The following GPRIN3 variants were observed in gnomAD, a reference collection of about 807,000 sequenced individuals.
GPRIN3 encodes the protein GPRIN family member 3.
A neutral mutation model predicts 13.7 loss-of-function variants in GPRIN3; 12 were observed. That is an observed-to-expected ratio of 0.87 (90% CI 0.56 to 1.42). The LOEUF (loss-of-function observed/expected upper bound fraction) is 1.42. Ranked by LOEUF, GPRIN3 falls within the 40% of genes most tolerant of loss-of-function variation. The pLI, the probability that GPRIN3 is intolerant of heterozygous loss-of-function variation, is 0.00. For synonymous variants in GPRIN3, 377 were observed against 372.7 expected (o/e 1.01, Z -0.13); for missense variants, 1,009 against 958.7 (o/e 1.05, Z -0.69).
In GPRIN3 at chr4:89,286,091, G is replaced by GTATATATATATATATA. The variant is rs35444036; in HGVS notation, c.-124+21508_-124+21523dup. 1.0e-3 allele frequency among the ~76,000 whole-genome samples: 151 copies of GTATATATATATATATA among 146,704 alleles called. 1 individual carries two copies. Among genetic ancestry groups the GTATATATATATATATA allele is most frequent in the Middle Eastern group, 3.5e-3 (1 of 286 alleles). On this transcript the variant is annotated intron_variant, in intron 1 of 1. Transcript: ENST00000609438. ...TACATGTGTACGTGTATGTGTGTGT[G>GTATATATATATATATA]TATATATATATATATATATATATGT... is the stretch of plus-strand genomic sequence containing the variant.
intron 1 of GPRIN3, among the ~76,000 whole-genome samples, chr4:89,263,936 G>T (rs150236168): frequency 2.6e-5 from 4 of 152,242 alleles, no homozygotes; most frequent in African/African-American, 9.6e-5. Context: ...GGGGATAAAA[G>T]AAAACATTTC....
At chr4:89,265,149 G>A (rs1482811463) in intron 1 of GPRIN3, among the ~76,000 whole-genome samples, 3 of 152,222 alleles carry the variant, frequency 2.0e-5, no homozygotes, top group African/African-American at 7.2e-5. Context: ...CATCCTGGGT[G>A]TTTTGGGGAT....
At position 89,247,951 on chromosome 4, in the gene GPRIN3, A is replaced by G. The variant is rs751993090; in HGVS notation, c.2160T>C (p.His720=). Reference sequence around the variant, plus strand: ...TATTTTGAGTTTTGATTAATTTCTCATGTTCCCTGATTTGTCTTTGCAAAT... The same window carrying G: ...TATTTTGAGTTTTGATTAATTTCTCGTGTTCCCTGATTTGTCTTTGCAAAT... The part of the protein sequence containing the change: ...QNHLQRQIRE[H]EKLIKTQNSQ... The change falls in exon 2 of 2, where the codon CAT becomes CAC. Residue 720 remains histidine (H), a synonymous_variant. Transcript: ENST00000609438. 1.2e-6 allele frequency: 2 copies of G among 1,613,758 alleles called. No individual in the cohort carries two copies. Among genetic ancestry groups the G allele is most frequent in the Non-Finnish European group, 1.7e-6 (2 of 1,179,772 alleles).
chr4:89,302,485 A>G (rs966156974), intron 1 of GPRIN3, among the ~76,000 whole-genome samples: 1 of 152,180 alleles, frequency 6.6e-6, no homozygotes, highest in African/African-American at 2.4e-5. Flanking sequence ...ATTCAGATTC[A>G]GATTCAGATT....
rs114667345 is a variant in GPRIN3, at chr4:89,299,618, T to C, written c.-124+7997A>G. 6.3e-3 allele frequency among the ~76,000 whole-genome samples: 955 copies of C among 152,322 alleles called. 6 individuals are homozygous for C. Among genetic ancestry groups the C allele is most frequent in the African/African-American group, 0.022 (918 of 41,572 alleles). On this transcript the variant is annotated intron_variant, in intron 1 of 1. Coordinates refer to ENST00000609438, the MANE Select transcript of GPRIN3 (RefSeq NM_198281.3). The stretch of plus-strand genomic sequence containing the variant: ...GTTCTACACAATCAAGTGGCCAGAC[T>C]GTGCAGTGATCTGCCTAGCCTCAGA...
intron 1 of GPRIN3, among the ~76,000 whole-genome samples, chr4:89,262,008 G>C (rs1227475905): frequency 6.6e-6 from 1 of 151,702 alleles, no homozygotes; most frequent in African/African-American, 2.4e-5. Flanking sequence ...TGTGGTCCCA[G>C]CTACTTGGTT....
intron 1 of GPRIN3, among the ~76,000 whole-genome samples, chr4:89,258,341 C>T (rs551387806): frequency 2.0e-5 from 3 of 151,826 alleles, no homozygotes; most frequent in Admixed American, 1.3e-4. Flanking sequence ...CTCAGTCTCC[C>T]GAGTAGCTAG....
rs769270488 is a variant in GPRIN3, at chr4:89,244,419, A to C, written c.*3361T>G. ...TACATTCAATATAGGTGAACTTATCAAGGCAGGAAACATACTAACACATTT... is the reference window on the plus strand; with the variant it reads ...TACATTCAATATAGGTGAACTTATCCAGGCAGGAAACATACTAACACATTT... On this transcript the variant is annotated 3_prime_UTR_variant, in exon 2 of 2. Coordinates refer to ENST00000609438, the MANE Select transcript of GPRIN3 (RefSeq NM_198281.3). 1 of 152,218 alleles carries C rather than the reference A, an allele frequency of 6.6e-6. No individual in the cohort carries two copies. The highest frequency in any genetic ancestry group is 1.5e-5 in the Non-Finnish European group (1 of 68,030). 9.4% of individuals were successfully genotyped at this position (152,218 alleles called of 1,614,324 possible). A position where few individuals can be genotyped will look rare whatever the true frequency, so the allele number is the denominator to read the frequency against.
intron 1 of GPRIN3, among the ~76,000 whole-genome samples, chr4:89,265,262 G>A (rs188098764): frequency 2.7e-4 from 41 of 152,196 alleles, no homozygotes; most frequent in Non-Finnish European, 4.9e-4. Context: ...ATATATATCA[G>A]TGTTTTGAGG....
rs1001497714 is a variant in GPRIN3 at position 89,237,341 on chromosome 4, T to A, written c.*10439A>T. The stretch of plus-strand genomic sequence containing the variant: ...TTTAATAATGGTGGCATTCAGAAGT[T>A]CATTAAGAATGTGTATGCCATGGTC... On this transcript the variant is annotated 3_prime_UTR_variant, in exon 2 of 2. Transcript: ENST00000609438. 1 of 152,220 alleles carries A rather than the reference T, an allele frequency of 6.6e-6. No individual in the cohort carries two copies. The allele number at this position is 152,220 out of a possible 1,614,324, so 9.4% of individuals were successfully genotyped here.
chr4:89,291,830 CTTTTTT>C (rs33981386), intron 1 of GPRIN3, among the ~76,000 whole-genome samples: 1 of 115,868 alleles, frequency 8.6e-6, no homozygotes, highest in East Asian at 2.4e-4. Flanking sequence ...ACTGTCAGGG[CTTTTTT>C]TTTTTTTTTT....
intron 1 of GPRIN3, among the ~76,000 whole-genome samples, chr4:89,253,016 G>GAAAAAAAAA (rs11408492): frequency 1.6e-5 from 2 of 124,078 alleles, no homozygotes; most frequent in African/African-American, 3.0e-5. Flanking sequence ...TCTCAAAAAA[G>GAAAAAAAAA]AAAAAAAAAA....
intron 1 of GPRIN3, among the ~76,000 whole-genome samples, chr4:89,273,404 G>A (rs536757831): frequency 6.6e-5 from 10 of 152,316 alleles, no homozygotes; most frequent in Admixed American, 4.6e-4. Flanking sequence ...TGCCTCGGTC[G>A]GGCGCAGTGG....
Position 89,245,757 on chromosome 4 carries a change from A to G in GPRIN3, c.*2023T>C, listed in dbSNP as rs1723078609. ...GTCCTGGCAGAGGCATCTGAGACAG[A>G]AGTGACACGAACACAACTACAAATG... On this transcript the variant is annotated 3_prime_UTR_variant, in exon 2 of 2. Transcript: ENST00000609438. The G allele has an allele frequency of 6.6e-6, 1 of 152,254 alleles. No individual in the cohort carries two copies. The highest frequency in any genetic ancestry group is 1.5e-5 in the Non-Finnish European group (1 of 68,054). The allele number at this position is 152,254 out of a possible 1,614,324, so 9.4% of individuals were successfully genotyped here.
chr4:89,270,538 TTATA>T (rs1050900597), intron 1 of GPRIN3, among the ~76,000 whole-genome samples: 1 of 129,948 alleles, frequency 7.7e-6, no homozygotes, highest in African/African-American at 2.9e-5. Context: ...CTCATATATA[TTATA>T]TATATTTATA....
chr4:89,280,642 T>C (rs574526988), intron 1 of GPRIN3, among the ~76,000 whole-genome samples: 2 of 152,346 alleles, frequency 1.3e-5, no homozygotes, highest in South Asian at 4.1e-4. Flanking sequence ...AATGTAATTT[T>C]ATTTGAAAAT....
chr4:89,294,613 TAAGTA>T (rs986755440), intron 1 of GPRIN3, among the ~76,000 whole-genome samples: 4 of 152,278 alleles, frequency 2.6e-5, no homozygotes, highest in Non-Finnish European at 4.4e-5. Context: ...TCAATTGAAC[TAAGTA>T]AAGAACACAT....
chr4:89,296,624 T>C (rs1164854857), intron 1 of GPRIN3, among the ~76,000 whole-genome samples: 1 of 128,458 alleles, frequency 7.8e-6, no homozygotes, highest in Admixed American at 7.6e-5. Flanking sequence ...GGCAGTTAAA[T>C]AAAGACACAT....
At position 89,237,049 on chromosome 4, in the gene GPRIN3, C is replaced by G. The variant is rs556324358; in HGVS notation, c.*10731G>C. On this transcript the variant is annotated 3_prime_UTR_variant, in exon 2 of 2. Coordinates refer to ENST00000609438, the MANE Select transcript of GPRIN3 (RefSeq NM_198281.3). ...TATTATTTTTAATGGCAGGTCAAGG[C>G]TCTTTTGCAGTTTGATTGAGAGACG... is the stretch of plus-strand genomic sequence containing the variant. 2.6e-5 allele frequency: 4 copies of G among 152,194 alleles called. No individual in the cohort carries two copies. The South Asian group carries it at 6.2e-4, about 24-fold the overall frequency. 9.4% of individuals were successfully genotyped at this position (152,194 alleles called of 1,614,324 possible). A position where few individuals can be genotyped will look rare whatever the true frequency, so the allele number is the denominator to read the frequency against.
Sources: gnomAD v4.1 joint callset for allele counts (sites outside exome capture counted in the v4.1 genomes callset) on GRCh38, gnomAD v4.1.1 for gene constraint, MANE v1.5 for transcripts, NCBI Gene and HGNC (gene_info 2026-07-23, HGNC 2026-07-21) for gene names.